The following KCNIP4 variants were observed in gnomAD, a reference collection of about 807,000 sequenced individuals.
The protein encoded by KCNIP4 is Kv channel-interacting protein 4.
In KCNIP4, 12 loss-of-function variants were observed where a neutral mutation model predicts 34.0. The observed-to-expected ratio is 0.35, with a 90% CI of 0.23 to 0.57. The LOEUF (loss-of-function observed/expected upper bound fraction) is 0.57, where lower values mean the gene tolerates loss of function less well. Among genes scored for constraint, KCNIP4 ranks in the 20% least tolerant of loss-of-function variants. KCNIP4 has a pLI of 0.83. For missense variants in KCNIP4, 238 were observed against 311.7 expected (o/e 0.76, Z 1.78); for synonymous variants, 124 against 102.2 (o/e 1.21, Z -1.29).
intron 1 of KCNIP4, among the ~76,000 whole-genome samples, chr4:21,611,135 A>C (rs1038833787): frequency 1.3e-5 from 2 of 152,180 alleles, no homozygotes; most frequent in Non-Finnish European, 2.9e-5. Context: ...ATGTCCCTAC[A>C]AAGGACATGA....
chr4:21,475,461 C>A (rs1460492), intron 1 of KCNIP4, among the ~76,000 whole-genome samples: 59,914 of 152,056 alleles, frequency 0.39, 11,994 homozygotes, highest in African/African-American at 0.46. Flanking sequence ...AACTTTCAAC[C>A]CTCCACTCAC....
intron 1 of KCNIP4, among the ~76,000 whole-genome samples, chr4:20,992,885 G>A (rs570774438): frequency 1.4e-4 from 21 of 151,858 alleles, no homozygotes; most frequent in African/African-American, 4.6e-4. Context: ...AAAATCAGCC[G>A]GGCGCGGCGG....
chr4:21,154,532 A>T (rs559071196), intron 1 of KCNIP4, among the ~76,000 whole-genome samples: 19 of 152,180 alleles, frequency 1.2e-4, no homozygotes, highest in Non-Finnish European at 2.4e-4. Context: ...TGGAACAGTG[A>T]CCTAAAGAGC....
At chr4:21,813,359 A>G (rs1169343782) in intron 1 of KCNIP4, among the ~76,000 whole-genome samples, 1 of 152,206 alleles carries the variant, frequency 6.6e-6, no homozygotes, top group African/African-American at 2.4e-5. Context: ...AATTATTACC[A>G]TAGATTTTCC....
At chr4:21,106,116 G>A (rs1179255208) in intron 1 of KCNIP4, among the ~76,000 whole-genome samples, 1 of 151,640 alleles carries the variant, frequency 6.6e-6, no homozygotes, top group African/African-American at 2.4e-5. Flanking sequence ...CTCATAAAAT[G>A]AGTTAGGGAG....
intron 1 of KCNIP4, among the ~76,000 whole-genome samples, chr4:21,295,598 T>A (rs1763792421): frequency 6.6e-6 from 1 of 152,128 alleles, no homozygotes; most frequent in Non-Finnish European, 1.5e-5. Flanking sequence ...GTCTCTTGTA[T>A]GTGGCGGTTC....
intron 1 of KCNIP4, among the ~76,000 whole-genome samples, chr4:21,215,609 C>T (rs953606313): frequency 2.0e-5 from 3 of 152,116 alleles, no homozygotes; most frequent in Non-Finnish European, 2.9e-5. Context: ...TCTTTTATCT[C>T]TTCTGTTGTT....
chr4:21,714,586 A>G (rs1354395389), intron 1 of KCNIP4, among the ~76,000 whole-genome samples: 1 of 151,766 alleles, frequency 6.6e-6, no homozygotes, highest in Non-Finnish European at 1.5e-5. Context: ...AGAAGGGAAG[A>G]GAGAATATGA....
At chr4:21,682,095 T>G (rs1218799336) in intron 1 of KCNIP4, among the ~76,000 whole-genome samples, 3 of 152,092 alleles carry the variant, frequency 2.0e-5, no homozygotes, top group Non-Finnish European at 4.4e-5. Flanking sequence ...TTTCACCATG[T>G]TAGCCAGGCT....
chr4:21,858,981 A>G (rs954504028), intron 1 of KCNIP4, among the ~76,000 whole-genome samples: 3 of 152,212 alleles, frequency 2.0e-5, no homozygotes, highest in Non-Finnish European at 2.9e-5. Context: ...ACTGTGTGGG[A>G]GTAAAGAAGA....
At chr4:21,282,215 GTTAT>G (rs1223689004) in intron 1 of KCNIP4, among the ~76,000 whole-genome samples, 1 of 152,040 alleles carries the variant, frequency 6.6e-6, no homozygotes, top group East Asian at 1.9e-4. Context: ...TAATTTATAT[GTTAT>G]TTGTTATTTT....
chr4:21,565,221 C>A (rs1275524113), intron 1 of KCNIP4, among the ~76,000 whole-genome samples: 1 of 152,156 alleles, frequency 6.6e-6, no homozygotes, highest in African/African-American at 2.4e-5. Flanking sequence ...TGGCTAATGC[C>A]ATTCTGCGTC....
chr4:21,405,291 C>A (rs1723883496), intron 1 of KCNIP4, among the ~76,000 whole-genome samples: 1 of 152,190 alleles, frequency 6.6e-6, no homozygotes, highest in Admixed American at 6.5e-5. Context: ...GCAAAAATCT[C>A]ATTGCTTTGG....
At chr4:21,223,827 A>G (rs563964654) in intron 1 of KCNIP4, among the ~76,000 whole-genome samples, 1 of 152,136 alleles carries the variant, frequency 6.6e-6, no homozygotes, top group South Asian at 2.1e-4. Flanking sequence ...ACAGTTTTTA[A>G]TTTGACTGTT....
intron 1 of KCNIP4, among the ~76,000 whole-genome samples, chr4:20,894,285 T>C (rs1726265905): frequency 6.6e-6 from 1 of 152,212 alleles, no homozygotes; most frequent in African/African-American, 2.4e-5. Context: ...TTGATTCTTC[T>C]GATGGCGAGA....
chr4:21,046,473 G>A (rs1255912657), intron 1 of KCNIP4, among the ~76,000 whole-genome samples: 1 of 152,060 alleles, frequency 6.6e-6, no homozygotes, highest in Non-Finnish European at 1.5e-5. Flanking sequence ...AAGTCAGAGT[G>A]ATAAATAGAG....
chr4:21,580,704 A>G (rs556073912), intron 1 of KCNIP4, among the ~76,000 whole-genome samples: 144 of 152,216 alleles, frequency 9.5e-4, no homozygotes, highest in African/African-American at 3.3e-3. Context: ...AACGCACACC[A>G]TTACATCAAA....
rs148465458 is a variant in KCNIP4, at chr4:21,400,326, A to C, written c.62-517617T>G. 4.6e-3 allele frequency among the ~76,000 whole-genome samples: 675 copies of C among 148,166 alleles called. 1 individual carries two copies. Among genetic ancestry groups the C allele is most frequent in the Non-Finnish European group, 7.0e-3 (477 of 67,812 alleles). Reference sequence around the variant, plus strand: ...TAACTGTAATGCCTGATGGATTAGTATGGATGGTGGGGGGAAAGGCCAACT... The same window carrying C: ...TAACTGTAATGCCTGATGGATTAGTCTGGATGGTGGGGGGAAAGGCCAACT... On this transcript the variant is annotated intron_variant, in intron 1 of 8. Coordinates refer to ENST00000382152, the MANE Select transcript of KCNIP4 (RefSeq NM_025221.6).
At chr4:21,389,599 G>A (rs576217203) in intron 1 of KCNIP4, among the ~76,000 whole-genome samples, 3 of 151,668 alleles carry the variant, frequency 2.0e-5, no homozygotes, top group Admixed American at 2.0e-4. Flanking sequence ...ATGGTTTCCA[G>A]CTTCATCCAT....
Sources: gnomAD v4.1 joint callset for allele counts (sites outside exome capture counted in the v4.1 genomes callset) on GRCh38, gnomAD v4.1.1 for gene constraint, MANE v1.5 for transcripts, NCBI Gene and HGNC (gene_info 2026-07-23, HGNC 2026-07-21) for gene names.